RSU1: variants seen among roughly 807,000 people sequenced by gnomAD.
The protein encoded by RSU1 is rsu-1.
A neutral mutation model predicts 31.1 loss-of-function variants in RSU1; 26 were observed. The ratio of observed to expected loss-of-function variants is 0.84; its 90% CI spans 0.61 to 1.16. The LOEUF (loss-of-function observed/expected upper bound fraction) is 1.16, where lower values mean the gene tolerates loss of function less well. RSU1 is among the 50% of genes most tolerant of loss of function. The probability of loss-of-function intolerance (pLI) is 0.00; values close to 1 mark genes in which losing one functional copy is unlikely to be tolerated. For synonymous variants in RSU1, 164 were observed against 136.3 expected (o/e 1.20, Z -1.41); for missense variants, 320 against 339.1 (o/e 0.94, Z 0.44).
intron 8 of RSU1, among the ~76,000 whole-genome samples, chr10:16,678,570 A>G (rs1835273341): frequency 6.6e-6 from 1 of 152,216 alleles, no homozygotes. Context: ...TGTAGACAAA[A>G]CCAGTTACAA....
At chr10:16,727,618 G>T (rs1006973571) in intron 7 of RSU1, among the ~76,000 whole-genome samples, 1 of 152,146 alleles carries the variant, frequency 6.6e-6, no homozygotes, top group Non-Finnish European at 1.5e-5. Flanking sequence ...AGAACATTTC[G>T]TATTTTTCAC....
chr10:16,657,246 A>C (rs1192820183), intron 8 of RSU1, among the ~76,000 whole-genome samples: 1 of 152,194 alleles, frequency 6.6e-6, no homozygotes, highest in African/African-American at 2.4e-5. Flanking sequence ...CAAGTGTGGA[A>C]ATTTTTCCCT....
At chr10:16,615,873 C>G (rs746683879) in intron 8 of RSU1, among the ~76,000 whole-genome samples, 6 of 152,124 alleles carry the variant, frequency 3.9e-5, no homozygotes, top group Admixed American at 1.3e-4. Flanking sequence ...GTAGCTAAAG[C>G]AGTGTTTAGA....
At chr10:16,622,776 T>G (rs1206059655) in intron 8 of RSU1, among the ~76,000 whole-genome samples, 1 of 152,216 alleles carries the variant, frequency 6.6e-6, no homozygotes, top group Non-Finnish European at 1.5e-5. Context: ...TGATTTAAAA[T>G]AAATGCTACT....
At chr10:16,708,980 C>G (rs1835962238) in intron 7 of RSU1, among the ~76,000 whole-genome samples, 1 of 149,494 alleles carries the variant, frequency 6.7e-6, no homozygotes, top group African/African-American at 2.5e-5. Context: ...TCTACCAGTT[C>G]TTTAGTAGAG....
chr10:16,765,132 G>A (rs1837287894), intron 3 of RSU1, among the ~76,000 whole-genome samples: 1 of 151,530 alleles, frequency 6.6e-6, no homozygotes, highest in Non-Finnish European at 1.5e-5. Flanking sequence ...TGGTTTTCTT[G>A]CATTGCCACC....
chr10:16,740,909 T>G (rs1836736810), intron 7 of RSU1, among the ~76,000 whole-genome samples: 1 of 152,188 alleles, frequency 6.6e-6, no homozygotes, highest in Non-Finnish European at 1.5e-5. Context: ...ACAAATTCGG[T>G]GCAATTTCTA....
intron 8 of RSU1, among the ~76,000 whole-genome samples, chr10:16,657,046 G>A (rs958408186): frequency 2.6e-4 from 39 of 152,152 alleles, no homozygotes; most frequent in African/African-American, 8.7e-4. Context: ...TCTTTATTCC[G>A]CAGAGATTTT....
chr10:16,676,600 T>G (rs987987358), intron 8 of RSU1, among the ~76,000 whole-genome samples: 11 of 152,186 alleles, frequency 7.2e-5, no homozygotes, highest in African/African-American at 2.7e-4. Context: ...GATTTCAGAT[T>G]TTTTGGATTG....
At chr10:16,606,980 C>T (rs931298558) in intron 8 of RSU1, among the ~76,000 whole-genome samples, 3 of 152,082 alleles carry the variant, frequency 2.0e-5, no homozygotes, top group African/African-American at 4.8e-5. Flanking sequence ...GACACATGGC[C>T]GTGTGCTATA....
At chr10:16,613,811 A>C (rs1219528957) in intron 8 of RSU1, among the ~76,000 whole-genome samples, 2 of 151,952 alleles carry the variant, frequency 1.3e-5, no homozygotes, top group African/African-American at 4.8e-5. Flanking sequence ...AAAAAAAAAA[A>C]ACAAAAAAAA....
At chr10:16,650,746 CTTTTT>C (rs11333769) in intron 8 of RSU1, among the ~76,000 whole-genome samples, 9 of 148,788 alleles carry the variant, frequency 6.0e-5, no homozygotes, top group East Asian at 2.0e-4. Flanking sequence ...CACCCGGCTA[CTTTTT>C]TTTTTATTTT....
At chr10:16,668,322 T>C (rs1835038632) in intron 8 of RSU1, among the ~76,000 whole-genome samples, 1 of 152,090 alleles carries the variant, frequency 6.6e-6, no homozygotes, top group Non-Finnish European at 1.5e-5. Context: ...AGACCTAAAA[T>C]CTGCAGAACA....
intron 2 of RSU1, among the ~76,000 whole-genome samples, chr10:16,791,377 T>C (rs1364803544): frequency 6.6e-6 from 1 of 152,150 alleles, no homozygotes; most frequent in Admixed American, 6.5e-5. Flanking sequence ...CTCATGCCTG[T>C]AATCCCAGCA....
chr10:16,719,195 C>G (rs1244831526), intron 7 of RSU1, among the ~76,000 whole-genome samples: 1 of 152,014 alleles, frequency 6.6e-6, no homozygotes, highest in Non-Finnish European at 1.5e-5. Flanking sequence ...CTAGTCCCAG[C>G]TACTCAGGAG....
chr10:16,814,145 A>G (rs1838471905), intron 2 of RSU1, among the ~76,000 whole-genome samples: 1 of 152,212 alleles, frequency 6.6e-6, no homozygotes, highest in Admixed American at 6.5e-5. Flanking sequence ...GTTTATCAGT[A>G]AAGAAACATG....
At position 16,702,414 on chromosome 10, in the gene RSU1, C is replaced by T. The variant is rs77813910; in HGVS notation, c.599-7259G>A. Among the ~76,000 whole-genome samples the T allele has an allele frequency of 9.4e-3, 1,434 of 152,356 alleles. 29 individuals carry two copies. Among genetic ancestry groups the T allele is most frequent in the East Asian group, 0.078 (404 of 5,186 alleles). On this transcript the variant is annotated intron_variant, in intron 7 of 8. Coordinates refer to ENST00000345264, the MANE Select transcript of RSU1 (RefSeq NM_012425.4). ...ACCGGGAAAAGCTGCAGGCACTCAA[C>T]GCCAGCCCAATAGAGCAGTCACAGG...
chr10:16,757,874 C>T (rs1221081032), intron 4 of RSU1, among the ~76,000 whole-genome samples: 1 of 152,202 alleles, frequency 6.6e-6, no homozygotes, highest in Non-Finnish European at 1.5e-5. Context: ...GATTCCTTAA[C>T]ATTTTTCTCT....
chr10:16,771,312 C>A (rs1221204868), intron 3 of RSU1, among the ~76,000 whole-genome samples: 4 of 152,046 alleles, frequency 2.6e-5, no homozygotes, highest in African/African-American at 9.7e-5. Flanking sequence ...AACAAGTGTC[C>A]CCCTTTGGCC....
Sources: gnomAD v4.1 joint callset for allele counts (sites outside exome capture counted in the v4.1 genomes callset) on GRCh38, gnomAD v4.1.1 for gene constraint, MANE v1.5 for transcripts, NCBI Gene and HGNC (gene_info 2026-07-23, HGNC 2026-07-21) for gene names.